OPTN: variants seen among roughly 807,000 people sequenced by gnomAD.
OPTN encodes E3-14.7K-interacting protein.
A neutral mutation model predicts 70.4 loss-of-function variants in OPTN; 54 were observed. The ratio of observed to expected loss-of-function variants is 0.77; its 90% CI spans 0.62 to 0.96. The LOEUF (loss-of-function observed/expected upper bound fraction) is 0.96, where lower values mean the gene tolerates loss of function less well. Ranked by LOEUF, OPTN falls within the 40% of genes least tolerant of loss-of-function variation. The pLI is 0.00. For synonymous variants in OPTN, 256 were observed against 248.5 expected (o/e 1.03, Z -0.28); for missense variants, 624 against 673.2 (o/e 0.93, Z 0.81).
chr10:13,116,430 T>C (rs1405356954), intron 6 of OPTN, 90 bp downstream of exon 6: 1 of 856,362 alleles, frequency 1.2e-6, no homozygotes, highest in East Asian at 2.4e-5. Context: ...TGTTGTGACC[T>C]GAGGAAGTAA....
intron 1 of OPTN, among the ~76,000 whole-genome samples, chr10:13,103,538 C>T (rs1307682008): frequency 6.6e-6 from 1 of 152,190 alleles, no homozygotes. Flanking sequence ...GGTCACTGCA[C>T]TCGTGCTCTG....
intron 6 of OPTN, among the ~76,000 whole-genome samples, chr10:13,117,416 CT>C (rs531259062): frequency 6.3e-4 from 69 of 110,230 alleles, no homozygotes; most frequent in Middle Eastern, 5.6e-3. Flanking sequence ...AGAGATCCAT[CT>C]TTTTTTTTTT....
intron 6 of OPTN, among the ~76,000 whole-genome samples, chr10:13,117,375 C>G (rs1031489952): frequency 6.7e-6 from 1 of 148,760 alleles, no homozygotes; most frequent in African/African-American, 2.5e-5. Context: ...CCACCGCGCC[C>G]GGCCAGGATC....
rs537296260 is a variant in OPTN at position 13,137,709 on chromosome 10, C to T, written c.*843C>T. 7.8e-5 allele frequency: 18 copies of T among 230,326 alleles called. No individual in the cohort carries two copies. The highest frequency in any genetic ancestry group is 5.4e-4 in the South Asian group (3 of 5,506). 14.3% of individuals were successfully genotyped at this position (230,326 alleles called of 1,614,324 possible). A position where few individuals can be genotyped will look rare whatever the true frequency, so the allele number is the denominator to read the frequency against. On this transcript the variant is annotated 3_prime_UTR_variant, in exon 15 of 15. Coordinates refer to ENST00000378747, the MANE Select transcript of OPTN (RefSeq NM_001008212.2). ...GCCACAATAATTTTACCAAAGTTTT[C>T]ACATAGGCAGTTAGCCTTTACTTAA...
intron 3 of OPTN, among the ~76,000 whole-genome samples, chr10:13,109,834 CAAA>C (rs33911800): frequency 2.4e-5 from 2 of 84,910 alleles, no homozygotes; most frequent in Non-Finnish European, 4.4e-5. Context: ...GACCCTGACT[CAAA>C]AAAAAAAAAA....
At chr10:13,107,617 G>A (rs1014741039) in intron 1 of OPTN, among the ~76,000 whole-genome samples, 5 of 151,850 alleles carry the variant, frequency 3.3e-5, no homozygotes, top group Admixed American at 6.6e-5. Flanking sequence ...TCCTGACCTC[G>A]TAATCTGCCC....
At chr10:13,112,403 C>A in intron 4 of OPTN, 50 bp from the exon 5 acceptor site, 1 of 1,571,584 alleles carries the variant, frequency 6.4e-7, no homozygotes, top group Non-Finnish European at 8.7e-7. Context: ...GCCCATGGTG[C>A]CCAGCCTTAG....
intron 5 of OPTN, among the ~76,000 whole-genome samples, chr10:13,114,772 A>G (rs1588438172): frequency 1.9e-5 from 2 of 103,940 alleles, no homozygotes; most frequent in Non-Finnish European, 3.6e-5. Flanking sequence ...ATATATAATT[A>G]TATAATTATA....
At position 13,107,494 on chromosome 10, in the gene OPTN, G is replaced by A. The variant is rs542491688; in HGVS notation, c.-163-644G>A. On this transcript the variant is annotated intron_variant, in intron 1 of 14. Transcript: ENST00000378747. ...CCTGGGTTCACGCCATTCTCCTGCC[G>A]CAGCCTCCGGAGTAGCTGGGACTAC... Among the ~76,000 whole-genome samples the A allele has an allele frequency of 5.0e-4, 72 of 143,430 alleles. 1 individual carries two copies. Among genetic ancestry groups the A allele is most frequent in the African/African-American group, 1.8e-3 (71 of 38,704 alleles). 94.1% of individuals were successfully genotyped at this position (143,430 alleles called of 152,430 possible).
At chr10:13,113,643 G>C (rs1335758672) in intron 5 of OPTN, among the ~76,000 whole-genome samples, 2 of 152,332 alleles carry the variant, frequency 1.3e-5, no homozygotes, top group East Asian at 3.9e-4. Context: ...CGATGCACCA[G>C]CTGGGGGCCT....
chr10:13,134,411 A>G (rs956852675), intron 14 of OPTN, among the ~76,000 whole-genome samples: 1 of 151,986 alleles, frequency 6.6e-6, no homozygotes, highest in Non-Finnish European at 1.5e-5. Context: ...TGTTCTAGGT[A>G]GATACTTAAG....
At chr10:13,113,317 C>A (rs562834275) in intron 5 of OPTN, among the ~76,000 whole-genome samples, 1 of 152,276 alleles carries the variant, frequency 6.6e-6, no homozygotes, top group East Asian at 1.9e-4. Context: ...TGAGCCACCG[C>A]GCCTGGCCAA....
rs1042488570 is a variant in OPTN, at chr10:13,112,518, C to G, written c.435C>G (p.Thr145=). The change falls in exon 5 of 15, where the codon ACC becomes ACG. Residue 145 remains threonine (T), a synonymous_variant. Coordinates refer to ENST00000378747, the MANE Select transcript of OPTN (RefSeq NM_001008212.2). ...AGCAGGAAAAGGACCAGCTCAGGACCCAGGTGGTGAGGCTACAAGCAGAGA... is the reference window on the plus strand; with the variant it reads ...AGCAGGAAAAGGACCAGCTCAGGACGCAGGTGGTGAGGCTACAAGCAGAGA... ...EAEQEKDQLR[T]QVVRLQAEKA... 6.2e-7 allele frequency: 1 copy of G among 1,613,926 alleles called. No homozygotes were observed. The highest frequency in any genetic ancestry group is 1.3e-5 in the African/African-American group (1 of 74,866).
At position 13,110,394 on chromosome 10, in the gene OPTN, G is replaced by A. The variant is rs184561087; in HGVS notation, c.287G>A (p.Arg96His). ...ATACAGAGCAAAGAAGCAAAAGAGC[G>A]TCTAATGGCCTTGAGTCATGAGAAT... ...FEIQSKEAKE[R>H]LMALSHENEK... Residue 96 changes from arginine (R) to histidine (H), a missense_variant, in exon 4 of 15, where the codon CGT becomes CAT. Arg to His is a conservative substitution (Grantham distance 29). Coordinates refer to ENST00000378747, the MANE Select transcript of OPTN (RefSeq NM_001008212.2). 44 of 1,614,106 alleles carry A rather than the reference G, an allele frequency of 2.7e-5. No individual in the cohort carries two copies. Among genetic ancestry groups the A allele is most frequent in the East Asian group, 1.1e-4 (5 of 44,882 alleles).
rs373699827 is a variant in OPTN, at chr10:13,116,311, T to C, written c.597T>C (p.Pro199=). 4.3e-5 allele frequency: 70 copies of C among 1,613,782 alleles called. No individual in the cohort carries two copies. The East Asian group carries it at 9.4e-4, about 22-fold the overall frequency. The change falls in exon 6 of 15, where the codon CCT becomes CCC. Residue 199 remains proline (P), a synonymous_variant. Transcript: ENST00000378747. ...EGSVKEIKHS[P]GPTRTVSTGT... ...CAGTAAAAGAAATCAAGCATAGTCCTGGGCCCACGAGAACAGTCTCCACTG... is the reference window on the plus strand; with the variant it reads ...CAGTAAAAGAAATCAAGCATAGTCCCGGGCCCACGAGAACAGTCTCCACTG...
At chr10:13,114,022 G>T (rs1244681930) in intron 5 of OPTN, among the ~76,000 whole-genome samples, 4 of 151,946 alleles carry the variant, frequency 2.6e-5, no homozygotes, top group Admixed American at 2.6e-4. Context: ...TGCCATGATT[G>T]TGCCGCTGCA....
rs144640313 is a variant in OPTN at position 13,112,573 on chromosome 10, C to A, written c.490C>A (p.Leu164Met). Residue 164 changes from leucine (L) to methionine (M), a missense_variant, in exon 5 of 15, where the codon CTG (leucine) becomes ATG (methionine). Transcript: ENST00000378747. ...AGACCTGTTGGGCATCGTGTCTGAA[C>A]TGCAGCTCAAGCTGAACTCCAGCGG... Reference protein sequence around the residue: ...KADLLGIVSELQLKLNSSGSS... With the variant: ...KADLLGIVSEMQLKLNSSGSS... The A allele has an allele frequency of 1.2e-6, 2 of 1,614,160 alleles. No homozygotes were observed. The highest frequency in any genetic ancestry group is 1.7e-6 in the Non-Finnish European group (2 of 1,180,024).
At chr10:13,110,907 C>T (rs1362859938) in intron 4 of OPTN, among the ~76,000 whole-genome samples, 2 of 152,220 alleles carry the variant, frequency 1.3e-5, no homozygotes, top group African/African-American at 2.4e-5. Flanking sequence ...ATTCACTTTA[C>T]ATTTTCCTTT....
At position 13,127,606 on chromosome 10, in the gene OPTN, C is replaced by G. The variant is rs536428952; in HGVS notation, c.1243-139C>G. The G allele has an allele frequency of 3.4e-4, 300 of 892,080 alleles. 2 individuals carry two copies. In the African/African-American group the frequency reaches 4.5e-3, roughly 13 times the overall value. 55.3% of individuals were successfully genotyped at this position (892,080 alleles called of 1,614,324 possible). ...TCCTGGGCTCAAACGATCCTCCCAC[C>G]TCAGCCTCTCAATTCTAGGCATGAG... On this transcript the variant is annotated intron_variant, in intron 11 of 14. Transcript: ENST00000378747.
Sources: allele counts gnomAD v4.1 joint callset (sites outside exome capture counted in the v4.1 genomes callset), GRCh38; gene constraint gnomAD v4.1.1; transcripts MANE v1.5; gene names NCBI Gene and HGNC (gene_info 2026-07-23, HGNC 2026-07-21).